Variants in DCC observed in about 807,000 individuals in gnomAD.
DCC encodes the protein netrin receptor DCC.
A neutral mutation model predicts 172.5 loss-of-function variants in DCC; 58 were observed. That is an observed-to-expected ratio of 0.34 (90% CI 0.27 to 0.42). The LOEUF (loss-of-function observed/expected upper bound fraction) is 0.42. Among genes scored for constraint, DCC ranks in the 10% least tolerant of loss-of-function variants. DCC has a pLI of 1.00. For missense variants in DCC, 1,740 were observed against 1,791.0 expected, an observed-to-expected ratio of 0.97 and a Z score of 0.51; for synonymous variants, 709 against 644.5, an observed-to-expected ratio of 1.10 and a Z score of -1.52.
intron 5 of DCC, among the ~76,000 whole-genome samples, chr18:52,984,265 A>G (rs891064660): frequency 2.0e-5 from 3 of 152,104 alleles, no homozygotes; most frequent in South Asian, 2.1e-4. Flanking sequence ...ATAGAAATAG[A>G]ATTTTTCTCT....
At chr18:53,261,954 T>C (rs1346448794) in intron 12 of DCC, among the ~76,000 whole-genome samples, 1 of 152,154 alleles carries the variant, frequency 6.6e-6, no homozygotes, top group African/African-American at 2.4e-5. Flanking sequence ...GACTTACCAA[T>C]AAAAGCCATG....
chr18:53,258,236 T>C (rs186869554), intron 12 of DCC, among the ~76,000 whole-genome samples: 1 of 152,292 alleles, frequency 6.6e-6, no homozygotes, highest in African/African-American at 2.4e-5. Context: ...ATCTTAGTTA[T>C]TTCTTGCCTT....
intron 1 of DCC, among the ~76,000 whole-genome samples, chr18:52,435,426 C>T (rs746032280): frequency 1.4e-4 from 21 of 152,158 alleles, no homozygotes; most frequent in East Asian, 9.6e-4. Context: ...CCATATCTCC[C>T]GTCTGCCTGG....
chr18:53,123,202 A>T (rs2043507026), intron 7 of DCC, among the ~76,000 whole-genome samples: 1 of 152,064 alleles, frequency 6.6e-6, no homozygotes, highest in Non-Finnish European at 1.5e-5. Context: ...AAAATATGTA[A>T]CAGAGGATCT....
At chr18:52,881,071 A>G (rs1205576963) in intron 2 of DCC, among the ~76,000 whole-genome samples, 1 of 152,066 alleles carries the variant, frequency 6.6e-6, no homozygotes, top group Non-Finnish European at 1.5e-5. Context: ...GAGAGATGAT[A>G]TCTCATTGTA....
intron 22 of DCC, among the ~76,000 whole-genome samples, chr18:53,448,827 T>C (rs561606953): frequency 2.0e-5 from 3 of 152,170 alleles, no homozygotes; most frequent in Non-Finnish European, 4.4e-5. Context: ...CACTCCAGCA[T>C]GGGTGATAGA....
At chr18:53,237,303 G>T (rs987008773) in intron 12 of DCC, 6 of 153,274 alleles carry the variant, frequency 3.9e-5, no homozygotes, top group Admixed American at 1.3e-4. Flanking sequence ...AAGGCTAAAT[G>T]TTTTTGGGGT....
At chr18:53,136,286 A>G (rs576721345) in intron 7 of DCC, among the ~76,000 whole-genome samples, 2 of 152,118 alleles carry the variant, frequency 1.3e-5, no homozygotes, top group East Asian at 3.9e-4. Context: ...AATCAATATT[A>G]TATGCCCATC....
chr18:53,349,462 G>A (rs555189494), intron 15 of DCC, among the ~76,000 whole-genome samples: 12 of 152,098 alleles, frequency 7.9e-5, no homozygotes, highest in Middle Eastern at 3.2e-3. Context: ...ACCCAGTTCC[G>A]AAGTCACTTC....
intron 2 of DCC, among the ~76,000 whole-genome samples, chr18:52,840,719 C>CA (rs1383093721): frequency 6.6e-6 from 1 of 152,126 alleles, no homozygotes; most frequent in Non-Finnish European, 1.5e-5. Flanking sequence ...GCAAGTAGAA[C>CA]AATTGGAGGC....
At position 53,066,048 on chromosome 18, in the gene DCC, A is replaced by T. The variant is rs111544101; in HGVS notation, c.1143A>T (p.Gly381=). The part of the protein sequence containing the change: ...VIPSDYFQIV[G]GSNLRILGVV... The stretch of plus-strand genomic sequence containing the variant: ...TACCTGCTTTTTCTTTTCCCTAGGG[A>T]GGAAGCAACTTACGGATACTTGGGG... The change falls in exon 7 of 29, where the codon GGA becomes GGT. Residue 381 remains glycine, a splice_region_variant and synonymous_variant. Coordinates refer to ENST00000442544, the MANE Select transcript of DCC (RefSeq NM_005215.4). The T allele has an allele frequency of 1.8e-3, 2,837 of 1,612,994 alleles. 48 individuals carry two copies. In the African/African-American group the frequency reaches 0.031, roughly 18 times the overall value.
chr18:53,286,912 G>A (rs1487611714), intron 12 of DCC, among the ~76,000 whole-genome samples: 1 of 151,890 alleles, frequency 6.6e-6, no homozygotes, highest in African/African-American at 2.4e-5. Context: ...AACAAGACTG[G>A]CAATATACTG....
chr18:52,895,114 GA>G (rs2039708982), intron 2 of DCC, among the ~76,000 whole-genome samples: 1 of 152,148 alleles, frequency 6.6e-6, no homozygotes, highest in South Asian at 2.1e-4. Context: ...GTGATGTGAT[GA>G]AAAACAGAAG....
chr18:53,153,383 A>C (rs901145401), intron 7 of DCC, among the ~76,000 whole-genome samples: 8 of 152,118 alleles, frequency 5.3e-5, no homozygotes, highest in African/African-American at 1.9e-4. Context: ...AGGAATGAGA[A>C]TATCTGGCCT....
chr18:53,075,315 T>C (rs1319488876), intron 7 of DCC, among the ~76,000 whole-genome samples: 1 of 152,202 alleles, frequency 6.6e-6, no homozygotes, highest in Non-Finnish European at 1.5e-5. Flanking sequence ...AGGCTTGTCA[T>C]TCACCTTGTC....
At chr18:52,657,452 A>C (rs35302918) in intron 1 of DCC, among the ~76,000 whole-genome samples, 21,585 of 152,246 alleles carry the variant, frequency 0.14, 1,771 homozygotes, top group Non-Finnish European at 0.19. Flanking sequence ...TCCTAAGTGC[A>C]GGTGATCACT....
chr18:52,357,916 C>T lies in DCC; in HGVS notation c.91+17038C>T, dbSNP rs1037666247. Among the ~76,000 whole-genome samples, 6 of 138,386 alleles carry T rather than the reference C, an allele frequency of 4.3e-5. No individual in the cohort carries two copies. The South Asian group carries it at 6.9e-4, about 16-fold the overall frequency. The allele number at this position is 138,386 out of a possible 152,430, so 90.8% of individuals were successfully genotyped here. On this transcript the variant is annotated intron_variant, in intron 1 of 28. Transcript: ENST00000442544. ...TCGCGCCACTGCACTCCAGCCTGGG[C>T]GACAGAGCGAGACTCTGTGTAAAAA...
intron 25 of DCC, among the ~76,000 whole-genome samples, chr18:53,476,610 T>A (rs2045765778): frequency 6.6e-6 from 1 of 152,156 alleles, no homozygotes; most frequent in Non-Finnish European, 1.5e-5. Context: ...ACCTCTTATT[T>A]ATTTATTTTT....
chr18:53,150,274 A>G (rs1431158166), intron 7 of DCC, among the ~76,000 whole-genome samples: 2 of 152,224 alleles, frequency 1.3e-5, no homozygotes, highest in Admixed American at 1.3e-4. Context: ...GTTGGCAGTA[A>G]TGCTCAGTCT....
Sources: allele counts gnomAD v4.1 joint callset (sites outside exome capture counted in the v4.1 genomes callset), GRCh38; gene constraint gnomAD v4.1.1; transcripts MANE v1.5; gene names NCBI Gene and HGNC (gene_info 2026-07-23, HGNC 2026-07-21).